TNPO3: variants seen among roughly 807,000 people sequenced by gnomAD.
The protein encoded by TNPO3 is transportin-3.
A neutral mutation model predicts 122.8 loss-of-function variants in TNPO3; 65 were observed. The observed-to-expected ratio is 0.53, with a 90% CI of 0.43 to 0.65. TNPO3 has a LOEUF of 0.65. Among genes scored for constraint, TNPO3 ranks in the 30% least tolerant of loss-of-function variants. The probability of loss-of-function intolerance (pLI) is 0.00; values close to 1 mark genes in which losing one functional copy is unlikely to be tolerated. For synonymous variants in TNPO3, 372 were observed against 411.2 expected (o/e 0.90, Z 1.15); for missense variants, 850 against 1,136.7 (o/e 0.75, Z 3.63).
At chr7:129,024,534 ACACTATATG>A (rs2150465010) in intron 1 of TNPO3, among the ~76,000 whole-genome samples, 1 of 152,288 alleles carries the variant, frequency 6.6e-6, no homozygotes, top group African/African-American at 2.4e-5. Context: ...AGAAAACCAA[ACACTATATG>A]CCTCTTGATG....
At chr7:128,987,560 A>G (rs763895419) in intron 11 of TNPO3, among the ~76,000 whole-genome samples, 1 of 151,996 alleles carries the variant, frequency 6.6e-6, no homozygotes, top group Non-Finnish European at 1.5e-5. Context: ...TTTTTTTTCT[A>G]TAGGAAAAAA....
intron 1 of TNPO3, among the ~76,000 whole-genome samples, chr7:129,051,346 A>G (rs1381453627): frequency 2.9e-5 from 4 of 137,558 alleles, no homozygotes; most frequent in Admixed American, 2.3e-4. Context: ...AGTGATTTGG[A>G]GGTGTGGTGA....
chr7:129,001,512 A>G (rs1440721379), intron 5 of TNPO3, among the ~76,000 whole-genome samples: 1 of 152,190 alleles, frequency 6.6e-6, no homozygotes, highest in East Asian at 1.9e-4. Context: ...ACCATTTTAT[A>G]TAAGGGACTT....
intron 1 of TNPO3, 56 bp downstream of exon 1, chr7:129,054,595 T>C (rs1809252227): frequency 1.2e-6 from 2 of 1,604,740 alleles, no homozygotes; most frequent in East Asian, 4.5e-5. Context: ...CCCCGGAGCC[T>C]AGGTTCCACC....
chr7:129,054,638 C>G lies in TNPO3; in HGVS notation c.120+13G>C. ...GGCCGTGCGGCACAGAACTGCCTCT[C>G]TGGGCCCCTCACCGAACGCTGCAGC... On this transcript the variant is annotated intron_variant, in intron 1 of 22. Transcript: ENST00000265388. 1 of 1,613,322 alleles carries G rather than the reference C, an allele frequency of 6.2e-7. No individual in the cohort carries two copies. Among genetic ancestry groups the G allele is most frequent in the Non-Finnish European group, 8.5e-7 (1 of 1,179,990 alleles).
At chr7:129,050,100 T>TG in intron 1 of TNPO3, among the ~76,000 whole-genome samples, 1 of 151,510 alleles carries the variant, frequency 6.6e-6, no homozygotes, top group African/African-American at 2.4e-5. Context: ...TGAGGTGGGG[T>TG]GGGCTGGGCG....
intron 1 of TNPO3, among the ~76,000 whole-genome samples, chr7:129,028,648 C>T (rs926991428): frequency 1.3e-5 from 2 of 152,192 alleles, no homozygotes; most frequent in Non-Finnish European, 1.5e-5. Context: ...GCATCTCTGG[C>T]GGGCAGAAGT....
In TNPO3 at chr7:129,005,036, C is replaced by T. The variant is rs1294749180; in HGVS notation, c.676G>A (p.Ala226Thr). The change falls in exon 5 of 23, where the codon GCA (alanine) becomes ACA (threonine). Residue 226 changes from alanine (A) to threonine (T), a missense_variant. By Grantham distance (58) the Ala-to-Thr change is moderately conservative. Coordinates refer to ENST00000265388, the MANE Select transcript of TNPO3 (RefSeq NM_012470.4). ...CTTACCAAAACCTCAAAAAGGAGTGCTAGTAATTTATTGTTAGCCATGAAG... is the reference window on the plus strand; with the variant it reads ...CTTACCAAAACCTCAAAAAGGAGTGTTAGTAATTTATTGTTAGCCATGAAG... ...SNFMANNKLL[A>T]LLFEVLQQDK... 1.9e-6 allele frequency: 3 copies of T among 1,613,262 alleles called. No homozygotes were observed. The highest frequency in any genetic ancestry group is 2.5e-6 in the Non-Finnish European group (3 of 1,179,618).
chr7:128,990,169 G>T, intron 10 of TNPO3, 69 bp from the exon 11 acceptor site: 1 of 1,567,848 alleles, frequency 6.4e-7, no homozygotes, highest in Non-Finnish European at 8.8e-7. Flanking sequence ...ATAACAGGCT[G>T]TGACGACACA....
chr7:128,992,793 A>ATGATG (rs1800884014), intron 9 of TNPO3, among the ~76,000 whole-genome samples: 1 of 21,118 alleles, frequency 4.7e-5, no homozygotes, highest in South Asian at 2.0e-3. Flanking sequence ...ATTTTAATTA[A>ATGATG]TAACTTTTTT....
At chr7:129,001,659 C>T (rs931012500) in intron 5 of TNPO3, among the ~76,000 whole-genome samples, 1 of 152,062 alleles carries the variant, frequency 6.6e-6, no homozygotes, top group African/African-American at 2.4e-5. Flanking sequence ...TCAATTATAG[C>T]CTCTTTCTGA....
At chr7:128,997,663 A>G in intron 7 of TNPO3, 128 bp from the exon 8 acceptor site, 1 of 804,426 alleles carries the variant, frequency 1.2e-6, no homozygotes, top group East Asian at 2.8e-5. Flanking sequence ...CCAGTTAAGA[A>G]GTCACCTTTT....
At chr7:129,021,232 G>A (rs1486711716) in intron 1 of TNPO3, among the ~76,000 whole-genome samples, 1 of 152,018 alleles carries the variant, frequency 6.6e-6, no homozygotes, top group African/African-American at 2.4e-5. Flanking sequence ...GCGGGTGCCT[G>A]TAATCCCAGC....
rs1809287910 is a variant in TNPO3 at position 129,054,788 on chromosome 7, C to T, written c.-18G>A. Reference sequence around the variant, plus strand: ...CCTTCCATGGTGGTGGCGGTAGTGGCGGTAGCGACGGCTCTGATTCTTCTC... The same window carrying T: ...CCTTCCATGGTGGTGGCGGTAGTGGTGGTAGCGACGGCTCTGATTCTTCTC... On this transcript the variant is annotated 5_prime_UTR_variant, in exon 1 of 23. Transcript: ENST00000265388. 6.2e-7 allele frequency: 1 copy of T among 1,613,738 alleles called. No homozygotes were observed. Among genetic ancestry groups the T allele is most frequent in the South Asian group, 1.1e-5 (1 of 91,074 alleles).
At chr7:128,981,923 T>C (rs1285374910) in intron 14 of TNPO3, among the ~76,000 whole-genome samples, 1 of 152,072 alleles carries the variant, frequency 6.6e-6, no homozygotes. Context: ...AGAGACAGGG[T>C]TTTGCCACGT....
chr7:129,052,897 T>C (rs1808944509), intron 1 of TNPO3, among the ~76,000 whole-genome samples: 1 of 152,238 alleles, frequency 6.6e-6, no homozygotes, highest in East Asian at 1.9e-4. Context: ...CAGGGAATTG[T>C]TGACTCTCCA....
At chr7:128,975,226 T>C (rs1202979433) in intron 17 of TNPO3, among the ~76,000 whole-genome samples, 1 of 152,236 alleles carries the variant, frequency 6.6e-6, no homozygotes, top group African/African-American at 2.4e-5. Context: ...TCAACAGATG[T>C]CATCTCAAAG....
At chr7:128,968,611 A>G (rs1798150707) in intron 20 of TNPO3, among the ~76,000 whole-genome samples, 1 of 152,196 alleles carries the variant, frequency 6.6e-6, no homozygotes, top group South Asian at 2.1e-4. Context: ...AATAGGCCAG[A>G]GCAAAAGTAT....
intron 12 of TNPO3, among the ~76,000 whole-genome samples, chr7:128,986,512 A>G (rs552274415): frequency 6.6e-6 from 1 of 152,250 alleles, no homozygotes; most frequent in Non-Finnish European, 1.5e-5. Context: ...TACCGCAAGT[A>G]GTATTAATTA....
Sources: allele counts gnomAD v4.1 joint callset (sites outside exome capture counted in the v4.1 genomes callset), GRCh38; gene constraint gnomAD v4.1.1; transcripts MANE v1.5; gene names NCBI Gene and HGNC (gene_info 2026-07-23, HGNC 2026-07-21).